Variants in AKAP6 observed in about 807,000 individuals in gnomAD.
AKAP6 encodes the protein A-kinase anchoring protein 6.
In AKAP6, 58 loss-of-function variants were observed where a neutral mutation model predicts 188.5. That is an observed-to-expected ratio of 0.31 (90% CI 0.25 to 0.38). AKAP6 has a LOEUF of 0.38. Ranked by LOEUF, AKAP6 falls within the 10% of genes least tolerant of loss-of-function variation. AKAP6 has a pLI of 1.00. For missense variants in AKAP6, 2,710 were observed against 2,740.0 expected, an observed-to-expected ratio of 0.99 and a Z score of 0.24; for synonymous variants, 989 against 998.6, an observed-to-expected ratio of 0.99 and a Z score of 0.18.
chr14:32,547,015 TAAC>T lies in AKAP6; in HGVS notation c.2346+18_2346+20del. ...AAAAATAGAGGTAAGGTGGTTTTCT[TAAC>T]ATGAATGATTTCTCACTTGAGTTTT... On this transcript the variant is annotated intron_variant, in intron 4 of 13. Transcript: ENST00000280979. The T allele has an allele frequency of 6.4e-7, 1 of 1,571,150 alleles. No individual in the cohort carries two copies. The highest frequency in any genetic ancestry group is 8.6e-7 in the Non-Finnish European group (1 of 1,166,642).
At chr14:32,602,099 A>T (rs1885949374) in intron 7 of AKAP6, among the ~76,000 whole-genome samples, 1 of 152,156 alleles carries the variant, frequency 6.6e-6, no homozygotes, top group African/African-American at 2.4e-5. Flanking sequence ...AATAATGTAG[A>T]GTGGAGACTG....
chr14:32,582,355 G>T (rs1307949850), intron 5 of AKAP6, among the ~76,000 whole-genome samples: 12 of 151,900 alleles, frequency 7.9e-5, no homozygotes, highest in South Asian at 6.2e-4. Flanking sequence ...AGTTTCTGCC[G>T]AGAGATCCGC....
rs544997334 is a variant in AKAP6 at position 32,769,037 on chromosome 14, A to ATTTT, written c.3373-4617_3373-4614dup. Among the ~76,000 whole-genome samples, 408 of 56,892 alleles carry ATTTT rather than the reference A, an allele frequency of 7.2e-3. 101 individuals are homozygous for ATTTT. The highest frequency in any genetic ancestry group is 0.028 in the East Asian group (35 of 1,260). The allele number at this position is 56,892 out of a possible 152,430, so 37.3% of individuals were successfully genotyped here. A position where few individuals can be genotyped will look rare whatever the true frequency, so the allele number is the denominator to read the frequency against. On this transcript the variant is annotated intron_variant, in intron 11 of 13. Coordinates refer to ENST00000280979, the MANE Select transcript of AKAP6 (RefSeq NM_004274.5). ...ACTAGGGGATGCAGCTGCTCTTTTG[A>ATTTT]TTTTTTTTTTTTTTTTTTTTTTTTT...
intron 8 of AKAP6, among the ~76,000 whole-genome samples, chr14:32,680,036 C>T (rs186585741): frequency 2.6e-5 from 4 of 152,274 alleles, no homozygotes; most frequent in East Asian, 1.9e-4. Flanking sequence ...AGCAGTACCA[C>T]GTGCTTCTGA....
chr14:32,764,816 G>A (rs1316911361), intron 11 of AKAP6, among the ~76,000 whole-genome samples: 1 of 151,830 alleles, frequency 6.6e-6, no homozygotes, highest in African/African-American at 2.4e-5. Context: ...TACAAAAAAT[G>A]TTGGTCATTA....
At chr14:32,784,787 G>A (rs548669756) in intron 12 of AKAP6, among the ~76,000 whole-genome samples, 11 of 152,260 alleles carry the variant, frequency 7.2e-5, no homozygotes, top group South Asian at 6.2e-4. Flanking sequence ...AGGTGTGGAC[G>A]CAGGCGTATC....
chr14:32,515,123 C>G (rs894633375), intron 2 of AKAP6, among the ~76,000 whole-genome samples: 11 of 152,160 alleles, frequency 7.2e-5, no homozygotes, highest in African/African-American at 2.7e-4. Flanking sequence ...TGGGAGGCCT[C>G]ACAATCATGG....
At chr14:32,611,042 T>C (rs1403543895) in intron 7 of AKAP6, among the ~76,000 whole-genome samples, 3 of 152,082 alleles carry the variant, frequency 2.0e-5, no homozygotes, top group Middle Eastern at 3.4e-3. Flanking sequence ...ACTACAATAA[T>C]GAAAGGCAGG....
intron 7 of AKAP6, among the ~76,000 whole-genome samples, chr14:32,610,031 A>G (rs1333977072): frequency 1.3e-5 from 2 of 152,026 alleles, no homozygotes; most frequent in African/African-American, 4.8e-5. Flanking sequence ...TTTATATAAC[A>G]TATTCTATTA....
At chr14:32,480,916 T>C (rs1879308616) in intron 2 of AKAP6, among the ~76,000 whole-genome samples, 1 of 152,216 alleles carries the variant, frequency 6.6e-6, no homozygotes, top group African/African-American at 2.4e-5. Flanking sequence ...AAATATGAAA[T>C]ACATATTTCT....
At chr14:32,369,409 A>G (rs1009142549) in intron 1 of AKAP6, among the ~76,000 whole-genome samples, 54 of 152,234 alleles carry the variant, frequency 3.5e-4, no homozygotes, top group African/African-American at 1.3e-3. Flanking sequence ...CTCAATCAAC[A>G]TAGTTAAAAT....
chr14:32,590,198 G>A (rs1885430721), intron 5 of AKAP6, among the ~76,000 whole-genome samples: 1 of 152,030 alleles, frequency 6.6e-6, no homozygotes, highest in Admixed American at 6.6e-5. Context: ...AGAAGCTTGG[G>A]TGTTCTTAGA....
chr14:32,672,773 T>C (rs1355864608), intron 7 of AKAP6, among the ~76,000 whole-genome samples: 2 of 152,208 alleles, frequency 1.3e-5, no homozygotes, highest in African/African-American at 4.8e-5. Context: ...TTTGGTATGG[T>C]GGGCATCCAG....
chr14:32,488,561 C>T (rs976482589), intron 2 of AKAP6, among the ~76,000 whole-genome samples: 2 of 152,118 alleles, frequency 1.3e-5, no homozygotes, highest in South Asian at 4.1e-4. Context: ...ACTGGGGTTC[C>T]AGGCACCACT....
At chr14:32,497,179 G>T (rs1316809040) in intron 2 of AKAP6, among the ~76,000 whole-genome samples, 1 of 152,080 alleles carries the variant, frequency 6.6e-6, no homozygotes, top group Non-Finnish European at 1.5e-5. Context: ...TCTATGCATA[G>T]TATCTTAGTG....
chr14:32,440,990 C>T (rs1000982821), intron 2 of AKAP6, among the ~76,000 whole-genome samples: 2 of 152,008 alleles, frequency 1.3e-5, no homozygotes, highest in African/African-American at 4.8e-5. Context: ...AATTAGTGAC[C>T]TCATAAAGAA....
At chr14:32,633,693 A>G (rs1367472570) in intron 7 of AKAP6, among the ~76,000 whole-genome samples, 1 of 152,002 alleles carries the variant, frequency 6.6e-6, no homozygotes, top group Non-Finnish European at 1.5e-5. Context: ...CCCGCAACCC[A>G]CTCACAGCCA....
chr14:32,740,771 A>G (rs914135126), intron 11 of AKAP6, among the ~76,000 whole-genome samples: 1 of 151,938 alleles, frequency 6.6e-6, no homozygotes, highest in Non-Finnish European at 1.5e-5. Flanking sequence ...TTGGTTAACT[A>G]CTAATTCTGT....
intron 1 of AKAP6, among the ~76,000 whole-genome samples, chr14:32,331,963 AATAATC>A (rs1427396224): frequency 6.6e-6 from 1 of 152,280 alleles, no homozygotes; most frequent in East Asian, 1.9e-4. Context: ...TGATAAAAAT[AATAATC>A]ATAATAACAA....
Sources: allele counts gnomAD v4.1 joint callset (sites outside exome capture counted in the v4.1 genomes callset), GRCh38; gene constraint gnomAD v4.1.1; transcripts MANE v1.5; gene names NCBI Gene and HGNC (gene_info 2026-07-23, HGNC 2026-07-21).